PINX1: variants seen among roughly 807,000 people sequenced by gnomAD.
PINX1 encodes the protein PIN2 (TERF1) interacting telomerase inhibitor 1.
In PINX1, 34 loss-of-function variants were observed where a neutral mutation model predicts 25.4. The ratio of observed to expected loss-of-function variants is 1.34; its 90% confidence interval spans 1.02 to 1.78. The LOEUF is 1.78. Ranked by LOEUF, PINX1 falls within the 40% of genes most tolerant of loss-of-function variation. The pLI is 0.00. For missense variants in PINX1, 592 were observed against 404.9 expected (o/e 1.46, Z -3.97); for synonymous variants, 197 against 147.7 (o/e 1.33, Z -2.42).
At chr8:10,772,083 T>G (rs969420375) in intron 6 of PINX1, among the ~76,000 whole-genome samples, 2 of 152,232 alleles carry the variant, frequency 1.3e-5, no homozygotes, top group Non-Finnish European at 2.9e-5. Flanking sequence ...GTGGGATTAG[T>G]TGAACACAAG....
intron 6 of PINX1, among the ~76,000 whole-genome samples, chr8:10,788,620 A>G (rs1393104292): frequency 6.6e-6 from 1 of 152,158 alleles, no homozygotes; most frequent in Non-Finnish European, 1.5e-5. Context: ...ATATCATTAG[A>G]GTTCTTCCTG....
At chr8:10,825,458 C>T (rs757295480) in intron 5 of PINX1, 1 of 534,654 alleles carries the variant, frequency 1.9e-6, no homozygotes, top group Non-Finnish European at 3.8e-6. Flanking sequence ...TACAGACAAA[C>T]TGGGGAGTTG....
chr8:10,826,446 T>C (rs566707980), intron 4 of PINX1, among the ~76,000 whole-genome samples: 6 of 152,364 alleles, frequency 3.9e-5, no homozygotes, highest in African/African-American at 9.6e-5. Flanking sequence ...AATATTTCCT[T>C]AATTTGCATA....
At chr8:10,825,086 A>G (rs1022850939) in intron 5 of PINX1, among the ~76,000 whole-genome samples, 2 of 152,188 alleles carry the variant, frequency 1.3e-5, no homozygotes, top group Admixed American at 6.5e-5. Flanking sequence ...CCCTGCACAC[A>G]ATCCCCAATC....
At chr8:10,770,826 C>A (rs1363899190) in intron 6 of PINX1, among the ~76,000 whole-genome samples, 1 of 152,188 alleles carries the variant, frequency 6.6e-6, no homozygotes, top group Non-Finnish European at 1.5e-5. Context: ...AGCTCGCCAG[C>A]CTTGCTCATA....
At chr8:10,827,354 T>C (rs1563235459) in intron 4 of PINX1, among the ~76,000 whole-genome samples, 1 of 152,014 alleles carries the variant, frequency 6.6e-6, no homozygotes, top group Non-Finnish European at 1.5e-5. Context: ...AACACACCAT[T>C]GAGGAAGACA....
At chr8:10,826,669 C>G in intron 4 of PINX1, among the ~76,000 whole-genome samples, 1 of 152,220 alleles carries the variant, frequency 6.6e-6, no homozygotes, top group East Asian at 1.9e-4. Flanking sequence ...TACCACTCCA[C>G]AGTAAAGAGC....
At chr8:10,833,923 A>G (rs1798311767) in intron 2 of PINX1, 1 of 155,282 alleles carries the variant, frequency 6.4e-6, no homozygotes, top group African/African-American at 2.4e-5. Context: ...TATAATAGAA[A>G]TGATACCCTT....
At chr8:10,786,990 T>C (rs963690761) in intron 6 of PINX1, among the ~76,000 whole-genome samples, 1 of 152,142 alleles carries the variant, frequency 6.6e-6, no homozygotes, top group African/African-American at 2.4e-5. Flanking sequence ...GAGGGAACAA[T>C]TACTGTGTGT....
At position 10,782,670 on chromosome 8, in the gene PINX1, A is replaced by C. The variant is rs982108739; in HGVS notation, c.472-16754T>G. On this transcript the variant is annotated intron_variant, in intron 6 of 6. Coordinates refer to ENST00000314787, the MANE Select transcript of PINX1 (RefSeq NM_017884.6). ...AGGATCACTTGAATCCAGGAGGCGG[A>C]GGTTGCAGTGAGCCGAGATGGTGCC... is the stretch of plus-strand genomic sequence containing the variant. 4.6e-5 allele frequency among the ~76,000 whole-genome samples: 7 copies of C among 152,304 alleles called. No individual in the cohort carries two copies. The East Asian group carries it at 1.4e-3, about 29-fold the overall frequency.
intron 1 of PINX1, among the ~76,000 whole-genome samples, chr8:10,839,339 A>C (rs1307337637): frequency 2.6e-5 from 4 of 152,220 alleles, no homozygotes; most frequent in Non-Finnish European, 5.9e-5. Context: ...ATGTGATTAC[A>C]GTTTCAAGTG....
intron 5 of PINX1, among the ~76,000 whole-genome samples, chr8:10,825,174 A>G (rs1300817263): frequency 6.6e-6 from 1 of 152,216 alleles, no homozygotes; most frequent in East Asian, 1.9e-4. Flanking sequence ...AATGAAAAGC[A>G]TCATCAATAC....
chr8:10,791,282 C>A (rs1428532268), intron 6 of PINX1, among the ~76,000 whole-genome samples: 1 of 152,160 alleles, frequency 6.6e-6, no homozygotes, highest in East Asian at 1.9e-4. Context: ...TAATTCATAA[C>A]AAGACTCTGT....
At chr8:10,817,033 T>C (rs987679124) in intron 6 of PINX1, among the ~76,000 whole-genome samples, 9 of 152,182 alleles carry the variant, frequency 5.9e-5, no homozygotes, top group African/African-American at 1.9e-4. Context: ...TCAGGAGCTG[T>C]AGAAATTAAA....
At chr8:10,828,364 G>A (rs1000494140) in intron 4 of PINX1, among the ~76,000 whole-genome samples, 4 of 152,236 alleles carry the variant, frequency 2.6e-5, no homozygotes, top group African/African-American at 9.6e-5. Flanking sequence ...GCAAGTGTAT[G>A]AGGGACGAGG....
At position 10,801,755 on chromosome 8, in the gene PINX1, T is replaced by C. The variant is rs1802269980; in HGVS notation, c.471+18438A>G. Among the ~76,000 whole-genome samples, 2 of 152,222 alleles carry C rather than the reference T, an allele frequency of 1.3e-5. 1 individual carries two copies. The highest frequency in any genetic ancestry group is 4.1e-4 in the South Asian group (2 of 4,830). Reference sequence around the variant, plus strand: ...ACCTCTAATGAAAAAGAATTTGTGGTATCATTCTAACCTGGCTCCTGGATG... The same window carrying C: ...ACCTCTAATGAAAAAGAATTTGTGGCATCATTCTAACCTGGCTCCTGGATG... On this transcript the variant is annotated intron_variant, in intron 6 of 6. Transcript: ENST00000314787.
intron 6 of PINX1, among the ~76,000 whole-genome samples, chr8:10,804,452 G>A (rs1007505438): frequency 5.9e-5 from 9 of 152,192 alleles, no homozygotes; most frequent in African/African-American, 2.2e-4. Flanking sequence ...CAGGGAAGCA[G>A]ATTAGCGTGA....
intron 6 of PINX1, among the ~76,000 whole-genome samples, chr8:10,790,188 G>C (rs1801879420): frequency 6.6e-6 from 1 of 152,078 alleles, no homozygotes; most frequent in South Asian, 2.1e-4. Context: ...CACCCCACCG[G>C]CTTGTGTCTG....
At chr8:10,782,926 G>C (rs1284292933) in intron 6 of PINX1, among the ~76,000 whole-genome samples, 1 of 152,122 alleles carries the variant, frequency 6.6e-6, no homozygotes, top group Admixed American at 6.5e-5. Flanking sequence ...GCTAAATAAA[G>C]GATATAAATA....
Sources: allele counts gnomAD v4.1 joint callset (sites outside exome capture counted in the v4.1 genomes callset), GRCh38; gene constraint gnomAD v4.1.1; transcripts MANE v1.5; gene names NCBI Gene and HGNC (gene_info 2026-07-23, HGNC 2026-07-21).